Variants in GRID2 observed in about 807,000 individuals in gnomAD.
GRID2 encodes glutamate receptor ionotropic, delta-2.
Under a neutral mutation model 114.8 loss-of-function variants are expected in GRID2, and 33 were observed. The observed-to-expected ratio is 0.29, with a 90% CI of 0.22 to 0.38. The LOEUF (loss-of-function observed/expected upper bound fraction) is 0.38. GRID2 is among the 10% of genes least tolerant of loss of function. The pLI is 1.00. For missense variants in GRID2, 1,184 were observed against 1,257.7 expected (o/e 0.94, Z 0.89); for synonymous variants, 505 against 449.9 (o/e 1.12, Z -1.55).
chr4:92,740,686 TAGATGATAGATAGATAGATAGATA>T (rs1560565369), intron 2 of GRID2, among the ~76,000 whole-genome samples: 1 of 76,410 alleles, frequency 1.3e-5, no homozygotes, highest in Admixed American at 1.7e-4. Context: ...GATAGATAGA[TAGATGATAGATAGATAGATAGATA>T]GATAGATAGA....
At chr4:93,082,814 G>C (rs1205246041) in intron 2 of GRID2, among the ~76,000 whole-genome samples, 1 of 152,094 alleles carries the variant, frequency 6.6e-6, no homozygotes, top group Non-Finnish European at 1.5e-5. Flanking sequence ...ACTGGTTTTA[G>C]TATCTGCTTA....
At chr4:93,559,966 A>G (rs1734727281) in intron 13 of GRID2, among the ~76,000 whole-genome samples, 2 of 152,052 alleles carry the variant, frequency 1.3e-5, no homozygotes, top group Admixed American at 6.6e-5. Context: ...TTCTCAGCAA[A>G]CTAACACAGG....
At chr4:93,683,132 A>C (rs576494570) in intron 14 of GRID2, among the ~76,000 whole-genome samples, 2 of 151,788 alleles carry the variant, frequency 1.3e-5, no homozygotes, top group South Asian at 4.2e-4. Flanking sequence ...AAAGCTCTCT[A>C]TTTGCCATTC....
chr4:92,771,911 A>G (rs1182717069), intron 2 of GRID2, among the ~76,000 whole-genome samples: 2 of 152,192 alleles, frequency 1.3e-5, no homozygotes, highest in Non-Finnish European at 2.9e-5. Context: ...GTATGCTCCA[A>G]AAACCACAAG....
At chr4:93,295,807 C>T (rs1029772473) in intron 8 of GRID2, among the ~76,000 whole-genome samples, 4 of 152,236 alleles carry the variant, frequency 2.6e-5, no homozygotes, top group Non-Finnish European at 5.9e-5. Flanking sequence ...TATTGGATAA[C>T]TGGGACTATA....
intron 2 of GRID2, among the ~76,000 whole-genome samples, chr4:92,814,885 G>C (rs542798800): frequency 2.9e-4 from 44 of 152,202 alleles, no homozygotes; most frequent in African/African-American, 9.9e-4. Flanking sequence ...ACTAGGACCA[G>C]AAAGAGAAAC....
chr4:93,735,924 T>C (rs1730891456), intron 14 of GRID2, among the ~76,000 whole-genome samples: 1 of 151,946 alleles, frequency 6.6e-6, no homozygotes, highest in South Asian at 2.1e-4. Context: ...CTGTGTACTA[T>C]GCAGGGAAAC....
At chr4:93,174,970 C>G (rs1039885030) in intron 4 of GRID2, among the ~76,000 whole-genome samples, 1 of 152,032 alleles carries the variant, frequency 6.6e-6, no homozygotes. Flanking sequence ...TCTTATTTGT[C>G]TAGAGTAAAT....
intron 8 of GRID2, among the ~76,000 whole-genome samples, chr4:93,282,583 T>C (rs558202711): frequency 6.6e-6 from 1 of 151,982 alleles, no homozygotes; most frequent in Non-Finnish European, 1.5e-5. Context: ...GATAGCAGAG[T>C]CTTCATGAAC....
intron 3 of GRID2, among the ~76,000 whole-genome samples, chr4:93,091,656 G>A (rs1393832757): frequency 6.6e-6 from 1 of 151,952 alleles, no homozygotes. Context: ...TTTGCACATA[G>A]ACTTTTTATA....
chr4:92,745,171 T>C (rs1431691743), intron 2 of GRID2, among the ~76,000 whole-genome samples: 4 of 152,222 alleles, frequency 2.6e-5, no homozygotes, highest in Non-Finnish European at 5.9e-5. Flanking sequence ...ACAGATATAT[T>C]AAATTACTTA....
intron 8 of GRID2, among the ~76,000 whole-genome samples, chr4:93,390,662 G>T (rs1488085598): frequency 6.6e-6 from 1 of 151,904 alleles, no homozygotes; most frequent in East Asian, 1.9e-4. Context: ...TATACCAGAA[G>T]AATTATAAAA....
intron 1 of GRID2, among the ~76,000 whole-genome samples, chr4:93,782,917 AC>A (rs1561002083): frequency 3.9e-5 from 6 of 151,930 alleles, no homozygotes; most frequent in Non-Finnish European, 8.8e-5. Flanking sequence ...ACACACACAC[AC>A]ACACAAACTA....
intron 2 of GRID2, among the ~76,000 whole-genome samples, chr4:92,832,741 C>T (rs1742202624): frequency 6.6e-6 from 1 of 152,000 alleles, no homozygotes; most frequent in Admixed American, 6.6e-5. Context: ...GAGCCGAGAT[C>T]ATGCCACTGC....
chr4:93,340,549 T>C (rs1287544124), intron 8 of GRID2, among the ~76,000 whole-genome samples: 1 of 152,152 alleles, frequency 6.6e-6, no homozygotes, highest in Non-Finnish European at 1.5e-5. Flanking sequence ...TTCTGGTTTC[T>C]AGATTATTTT....
chr4:92,841,054 A>G (rs891478297), intron 2 of GRID2, among the ~76,000 whole-genome samples: 1 of 152,002 alleles, frequency 6.6e-6, no homozygotes, highest in East Asian at 1.9e-4. Flanking sequence ...AAGATTTAGG[A>G]TATGGATGGT....
chr4:93,675,862 T>C (rs1724807109), intron 14 of GRID2, among the ~76,000 whole-genome samples: 1 of 152,262 alleles, frequency 6.6e-6, no homozygotes, highest in Admixed American at 6.5e-5. Flanking sequence ...GGAATAATAA[T>C]GGCTTATACT....
At chr4:92,992,558 A>T (rs1320655015) in intron 2 of GRID2, among the ~76,000 whole-genome samples, 1 of 152,052 alleles carries the variant, frequency 6.6e-6, no homozygotes. Flanking sequence ...ATATTTTGCA[A>T]TTTCATATTG....
intron 14 of GRID2, among the ~76,000 whole-genome samples, chr4:93,682,479 C>T (rs1298705563): frequency 1.3e-5 from 2 of 151,920 alleles, no homozygotes; most frequent in African/African-American, 4.8e-5. Context: ...GACACATGCA[C>T]ATGTATGTTT....
Sources: allele counts gnomAD v4.1 joint callset (sites outside exome capture counted in the v4.1 genomes callset), GRCh38; gene constraint gnomAD v4.1.1; transcripts MANE v1.5; gene names NCBI Gene and HGNC (gene_info 2026-07-23, HGNC 2026-07-21).